KL: variants seen among roughly 807,000 people sequenced by gnomAD.
KL encodes alpha-klotho.
A neutral mutation model predicts 84.2 loss-of-function variants in KL; 62 were observed. The observed-to-expected ratio is 0.74, with a 90% CI of 0.60 to 0.91. The LOEUF is 0.91. Among genes scored for constraint, KL ranks in the 40% least tolerant of loss-of-function variants. The pLI, the probability that KL is intolerant of heterozygous loss-of-function variation, is 0.00. For missense variants in KL, 1,261 were observed against 1,305.7 expected (o/e 0.97, Z 0.53); for synonymous variants, 528 against 528.0 (o/e 1.00, Z 0.00).
Position 33,035,032 on chromosome 13 carries a change from A to G in KL, c.819+17773A>G, listed in dbSNP as rs115193659. 4.4e-3 allele frequency among the ~76,000 whole-genome samples: 670 copies of G among 152,358 alleles called. 7 individuals carry two copies. The highest frequency in any genetic ancestry group is 0.013 in the African/African-American group (557 of 41,582). On this transcript the variant is annotated intron_variant, in intron 1 of 4. Transcript: ENST00000380099. ...TGATTTCACAAGTGGAGTTTGTGTTATGAAAAACTTTGACTTAACACCATG... is the reference window on the plus strand; with the variant it reads ...TGATTTCACAAGTGGAGTTTGTGTTGTGAAAAACTTTGACTTAACACCATG...
chr13:33,041,784 C>T (rs1264539382), intron 1 of KL, among the ~76,000 whole-genome samples: 1 of 152,162 alleles, frequency 6.6e-6, no homozygotes, highest in Non-Finnish European at 1.5e-5. Context: ...TCCTTCCACA[C>T]ACCCCCATCT....
chr13:33,055,487 A>T (rs899725790), intron 3 of KL, 172 bp downstream of exon 3: 137 of 723,646 alleles, frequency 1.9e-4, no homozygotes, highest in Non-Finnish European at 2.9e-4. Context: ...TCTCTCCAAA[A>T]CTCTTCCAAT....
At chr13:33,027,289 T>A (rs1870813273) in intron 1 of KL, among the ~76,000 whole-genome samples, 1 of 152,208 alleles carries the variant, frequency 6.6e-6, no homozygotes, top group Non-Finnish European at 1.5e-5. Flanking sequence ...GGGGTGCACC[T>A]GTTGCTTTTT....
At chr13:33,040,042 G>C (rs1054091880) in intron 1 of KL, among the ~76,000 whole-genome samples, 1 of 152,158 alleles carries the variant, frequency 6.6e-6, no homozygotes, top group African/African-American at 2.4e-5. Context: ...AAGCAGATAT[G>C]AGCCCCCTTG....
chr13:33,060,256 A>G (rs1872123007), intron 3 of KL, among the ~76,000 whole-genome samples: 2 of 152,146 alleles, frequency 1.3e-5, no homozygotes, highest in South Asian at 4.1e-4. Context: ...ACTCACTCAC[A>G]TTTTAAGTTT....
rs887211125 is a variant in KL at position 33,061,167 on chromosome 13, A to T, written c.2088A>T (p.Thr696=). 1 of 1,614,256 alleles carries T rather than the reference A, an allele frequency of 6.2e-7. No individual in the cohort carries two copies. The highest frequency in any genetic ancestry group is 1.1e-5 in the South Asian group (1 of 91,086). ...ATGAGCCGTATACAAGGAATATGACATACAGTGCTGGCCACAACCTTCTGA... is the reference window on the plus strand; with the variant it reads ...ATGAGCCGTATACAAGGAATATGACTTACAGTGCTGGCCACAACCTTCTGA... The part of the protein sequence containing the change: ...TMNEPYTRNM[T]YSAGHNLLKA... Residue 696 remains threonine, a synonymous_variant, in exon 4 of 5, where the codon ACA becomes ACT. Coordinates refer to ENST00000380099, the MANE Select transcript of KL (RefSeq NM_004795.4).
chr13:33,061,224 T>C lies in KL; in HGVS notation c.2145T>C (p.Asn715=). The change falls in exon 4 of 5, where the codon AAT becomes AAC. Residue 715 remains asparagine, a synonymous_variant. Transcript: ENST00000380099. ...KAHALAWHVY[N]EKFRHAQNGK... Reference sequence around the variant, plus strand: ...ATGCCCTGGCTTGGCATGTGTACAATGAAAAGTTTAGGCATGCTCAGAATG... The same window carrying C: ...ATGCCCTGGCTTGGCATGTGTACAACGAAAAGTTTAGGCATGCTCAGAATG... 6.2e-7 allele frequency: 1 copy of C among 1,614,246 alleles called. No homozygotes were observed. The highest frequency in any genetic ancestry group is 8.5e-7 in the Non-Finnish European group (1 of 1,180,044).
chr13:33,058,021 C>A (rs1872029486), intron 3 of KL, among the ~76,000 whole-genome samples: 1 of 152,176 alleles, frequency 6.6e-6, no homozygotes, highest in Non-Finnish European at 1.5e-5. Flanking sequence ...AAGAAGCACA[C>A]AACCTGACTT....
Position 33,055,136 on chromosome 13 carries a change from C to T in KL, c.1420C>T (p.Arg474Cys), listed in dbSNP as rs758701481. 1.1e-5 allele frequency: 17 copies of T among 1,614,050 alleles called. No homozygotes were observed. The highest frequency in any genetic ancestry group is 5.5e-5 in the South Asian group (5 of 91,084). ...FEWHRGYSIR[R>C]GLFYVDFLSQ... ...GTGGCACAGAGGTTACAGCATCAGG[C>T]GTGGACTCTTCTATGTTGACTTTCT... The change falls in exon 3 of 5, where the codon CGT becomes TGT. Residue 474 changes from arginine (R) to cysteine (C), a missense_variant. Physicochemically the swap from Arg to Cys is radical, Grantham distance 180 (BLOSUM62 -3). Coordinates refer to ENST00000380099, the MANE Select transcript of KL (RefSeq NM_004795.4).
At chr13:33,031,908 A>G (rs1291613080) in intron 1 of KL, among the ~76,000 whole-genome samples, 7 of 152,028 alleles carry the variant, frequency 4.6e-5, no homozygotes, top group Non-Finnish European at 1.0e-4. Flanking sequence ...ATGCTTGATA[A>G]TTTCTAGAGT....
chr13:33,030,058 G>C (rs576043956), intron 1 of KL, among the ~76,000 whole-genome samples: 1 of 152,182 alleles, frequency 6.6e-6, no homozygotes, highest in East Asian at 1.9e-4. Flanking sequence ...AAGGTGAGAG[G>C]GCAAGAGAGA....
Position 33,017,179 on chromosome 13 carries a change from G to C in KL, c.739G>C (p.Gly247Arg). The C allele has an allele frequency of 6.3e-7, 1 of 1,599,458 alleles. No homozygotes were observed. The highest frequency in any genetic ancestry group is 8.5e-7 in the Non-Finnish European group (1 of 1,179,560). The change falls in exon 1 of 5, where the codon GGC becomes CGC. Residue 247 changes from glycine (G) to arginine (R), a missense_variant. Coordinates refer to ENST00000380099, the MANE Select transcript of KL (RefSeq NM_004795.4). ...IDNPYVVAWH[G>R]YATGRLAPGI... ...CAACCCCTACGTGGTGGCCTGGCAC[G>C]GCTACGCCACCGGGCGCCTGGCCCC... is the stretch of plus-strand genomic sequence containing the variant.
At position 33,063,872 on chromosome 13, in the gene KL, C is replaced by A; in HGVS notation, c.2725C>A (p.Leu909Ile). The change falls in exon 5 of 5, where the codon CTT becomes ATT. Residue 909 changes from leucine to isoleucine, a missense_variant. Leu to Ile is a conservative substitution (Grantham distance 5). Coordinates refer to ENST00000380099, the MANE Select transcript of KL (RefSeq NM_004795.4). ...LKAHILDGINLCGYFAYSFND... is the reference protein window; with the variant it reads ...LKAHILDGINICGYFAYSFND... ...AGCCCACATACTGGATGGTATCAAT[C>A]TTTGCGGATACTTTGCTTATTCGTT... The A allele has an allele frequency of 6.2e-7, 1 of 1,614,072 alleles. No homozygotes were observed. The highest frequency in any genetic ancestry group is 1.1e-5 in the South Asian group (1 of 91,076).
chr13:33,061,617 G>C lies in KL; in HGVS notation c.2538G>C (p.Ala846=). 6.2e-7 allele frequency: 1 copy of C among 1,614,212 alleles called. No homozygotes were observed. The highest frequency in any genetic ancestry group is 8.5e-7 in the Non-Finnish European group (1 of 1,180,048). Residue 846 remains alanine (A), a synonymous_variant, in exon 4 of 5, where the codon GCG becomes GCC. Transcript: ENST00000380099. ...ITWLNSPSQV[A]VVPWGLRKVL... Reference sequence around the variant, plus strand: ...GGCTCAACTCCCCCAGTCAGGTGGCGGTAGTGCCCTGGGGGTTGCGCAAAG... The same window carrying C: ...GGCTCAACTCCCCCAGTCAGGTGGCCGTAGTGCCCTGGGGGTTGCGCAAAG...
chr13:33,021,872 G>A (rs926730576), intron 1 of KL, among the ~76,000 whole-genome samples: 4 of 152,228 alleles, frequency 2.6e-5, no homozygotes, highest in East Asian at 1.9e-4. Flanking sequence ...CAACAAGAGC[G>A]AAACTCCATC....
rs1593789137 is a variant in KL, at chr13:33,023,211, G to C, written c.819+5952G>C. 2.0e-5 allele frequency among the ~76,000 whole-genome samples: 3 copies of C among 152,298 alleles called. No individual in the cohort carries two copies. In the East Asian group the frequency reaches 5.8e-4, roughly 29 times the overall value. On this transcript the variant is annotated intron_variant, in intron 1 of 4. Coordinates refer to ENST00000380099, the MANE Select transcript of KL (RefSeq NM_004795.4). ...GAATGATTCTATTAAGTTGAAATCA[G>C]ATGGGAACAGATCATTTAGGATAAC... is the stretch of plus-strand genomic sequence containing the variant.
At chr13:33,034,031 C>A (rs1162520647) in intron 1 of KL, among the ~76,000 whole-genome samples, 2 of 152,014 alleles carry the variant, frequency 1.3e-5, no homozygotes, top group Non-Finnish European at 2.9e-5. Flanking sequence ...GAAGCTGTTT[C>A]TTTGAATTTA....
chr13:33,063,868 C>A lies in KL; in HGVS notation c.2721C>A (p.Ile907=). ...EALKAHILDG[I]NLCGYFAYSF... The stretch of plus-strand genomic sequence containing the variant: ...TTCCAGCCCACATACTGGATGGTAT[C>A]AATCTTTGCGGATACTTTGCTTATT... The change falls in exon 5 of 5, where the codon ATC becomes ATA. Residue 907 remains isoleucine, a synonymous_variant. Coordinates refer to ENST00000380099, the MANE Select transcript of KL (RefSeq NM_004795.4). 6.2e-7 allele frequency: 1 copy of A among 1,614,068 alleles called. No homozygotes were observed. The highest frequency in any genetic ancestry group is 1.1e-5 in the South Asian group (1 of 91,062).
intron 1 of KL, among the ~76,000 whole-genome samples, chr13:33,048,506 C>A (rs991192323): frequency 3.9e-5 from 6 of 152,198 alleles, no homozygotes; most frequent in Non-Finnish European, 8.8e-5. Context: ...CTTTGCTGAG[C>A]CTCACAAAAT....
Sources: gnomAD v4.1 joint callset for allele counts (sites outside exome capture counted in the v4.1 genomes callset) on GRCh38, gnomAD v4.1.1 for gene constraint, MANE v1.5 for transcripts, NCBI Gene and HGNC (gene_info 2026-07-23, HGNC 2026-07-21) for gene names.